The following FAM227A variants were observed in gnomAD, a reference collection of about 807,000 sequenced individuals.
FAM227A encodes the protein family with sequence similarity 227 member A, also known as protein FAM227A.
Under a neutral mutation model 74.7 loss-of-function variants are expected in FAM227A, and 80 were observed. The observed-to-expected ratio is 1.07, with a 90% CI of 0.89 to 1.29. FAM227A has a LOEUF of 1.29. Ranked by LOEUF, FAM227A falls within the 50% of genes most tolerant of loss-of-function variation. FAM227A has a pLI of 0.00. For missense variants in FAM227A, 654 were observed against 683.4 expected (o/e 0.96, Z 0.48); for synonymous variants, 237 against 241.8 (o/e 0.98, Z 0.19).
At chr22:38,594,343 C>G (rs1249498238) in intron 15 of FAM227A, among the ~76,000 whole-genome samples, 1 of 152,180 alleles carries the variant, frequency 6.6e-6, no homozygotes, top group African/African-American at 2.4e-5. Flanking sequence ...TCCTCCCTGA[C>G]TTATGTGGTT....
chr22:38,634,969 G>T (rs1010504791), intron 6 of FAM227A, among the ~76,000 whole-genome samples: 1 of 152,028 alleles, frequency 6.6e-6, no homozygotes, highest in Non-Finnish European at 1.5e-5. Context: ...GGAGGGGGTC[G>T]GGCGCAGTGG....
Position 38,626,286 on chromosome 22 carries a change from G to A in FAM227A, c.744C>T (p.Leu248=). Residue 248 remains leucine (L), a synonymous_variant, in exon 9 of 17, where the codon CTC becomes CTT. Coordinates refer to ENST00000535113, the MANE Select transcript of FAM227A (RefSeq NM_001013647.2). ...AGAAGCTGGTGTACACGGCTTTGCT[G>A]AGAAGTGATGGCAGCCTCTGCGGAG... ...EALLKRLPSL[L]SKAVYTSFCC... is the part of the protein sequence containing the mutation. 2 of 1,551,442 alleles carry A rather than the reference G, an allele frequency of 1.3e-6. No homozygotes were observed. The highest frequency in any genetic ancestry group is 1.4e-5 in the African/African-American group (1 of 73,166).
chr22:38,621,610 A>G (rs1269736239), intron 10 of FAM227A, among the ~76,000 whole-genome samples: 1 of 152,116 alleles, frequency 6.6e-6, no homozygotes, highest in Non-Finnish European at 1.5e-5. Flanking sequence ...AAAAAACCAA[A>G]AAGTGTCTGG....
At chr22:38,608,437 C>T (rs1332333800) in intron 11 of FAM227A, among the ~76,000 whole-genome samples, 1 of 146,592 alleles carries the variant, frequency 6.8e-6, no homozygotes, top group African/African-American at 2.5e-5. Context: ...CTCAGGGATT[C>T]TTTTTTTTTT....
chr22:38,639,757 G>T, intron 3 of FAM227A, 33 bp from the exon 4 acceptor site: 1 of 1,397,002 alleles, frequency 7.2e-7, no homozygotes, highest in South Asian at 1.2e-5. Flanking sequence ...GGGCATTAGG[G>T]ATTAATGCAA....
In FAM227A at chr22:38,586,130, G is replaced by T; in HGVS notation, c.1708C>A (p.Pro570Thr). 1 of 1,551,936 alleles carries T rather than the reference G, an allele frequency of 6.4e-7. No homozygotes were observed. Among genetic ancestry groups the T allele is most frequent in the Middle Eastern group, 1.7e-4 (1 of 5,992 alleles). The change falls in exon 17 of 17, where the codon CCC (proline) becomes ACC (threonine). Residue 570 changes from proline to threonine, a missense_variant. Physicochemically the swap from Pro to Thr is conservative, Grantham distance 38. Coordinates refer to ENST00000535113, the MANE Select transcript of FAM227A (RefSeq NM_001013647.2). ...VEHFFPLTSK[P>T] ...GTTCTAGGTTGTGGAGCTCCTCAGG[G>T]CTTGGAAGTGAGTGGAAAGAAATGT...
intron 6 of FAM227A, among the ~76,000 whole-genome samples, chr22:38,635,207 C>T (rs148547845): frequency 5.4e-4 from 69 of 127,972 alleles, no homozygotes; most frequent in Admixed American, 2.0e-3. Context: ...TCCAGCCTGG[C>T]GACAGAGCGA....
At chr22:38,630,031 G>A (rs1182282168) in intron 6 of FAM227A, among the ~76,000 whole-genome samples, 4 of 138,240 alleles carry the variant, frequency 2.9e-5, no homozygotes, top group Non-Finnish European at 6.1e-5. Context: ...ATCAGGAAGC[G>A]TGCCTCTTCT....
intron 11 of FAM227A, among the ~76,000 whole-genome samples, chr22:38,615,965 C>G (rs2091566562): frequency 6.6e-6 from 1 of 152,032 alleles, no homozygotes; most frequent in Admixed American, 6.6e-5. Flanking sequence ...GGTGGATAGA[C>G]AAGTACGAGT....
At position 38,585,383 on chromosome 22, in the gene FAM227A, T is replaced by A. The variant is rs1367484668; in HGVS notation, c.*742A>T. On this transcript the variant is annotated 3_prime_UTR_variant, in exon 17 of 17. Coordinates refer to ENST00000535113, the MANE Select transcript of FAM227A (RefSeq NM_001013647.2). ...AGCCTGGGAGTCACACAGAAACACA[T>A]TACAGATGTCATGTCCCTGGGCTGA... 1 of 152,048 alleles carries A rather than the reference T, an allele frequency of 6.6e-6. No individual in the cohort carries two copies. The highest frequency in any genetic ancestry group is 1.5e-5 in the Non-Finnish European group (1 of 68,028). 9.4% of individuals were successfully genotyped at this position (152,048 alleles called of 1,614,324 possible). A position where few individuals can be genotyped will look rare whatever the true frequency, so the allele number is the denominator to read the frequency against.
chr22:38,586,238 T>A, intron 16 of FAM227A, 39 bp from the exon 17 acceptor site: 1 of 1,544,684 alleles, frequency 6.5e-7, no homozygotes, highest in Non-Finnish European at 8.8e-7. Flanking sequence ...AAAATTAATT[T>A]AAAAAATGTA....
At chr22:38,591,842 T>C (rs1436969438) in intron 15 of FAM227A, among the ~76,000 whole-genome samples, 3 of 152,220 alleles carry the variant, frequency 2.0e-5, no homozygotes, top group African/African-American at 7.2e-5. Flanking sequence ...CCTGCCCTGA[T>C]GTCTAGTAGC....
At chr22:38,639,867 G>A (rs2092077386) in intron 3 of FAM227A, 143 bp from the exon 4 acceptor site, 1 of 661,130 alleles carries the variant, frequency 1.5e-6, no homozygotes, top group Non-Finnish European at 2.7e-6. Context: ...CTTTCCAGGT[G>A]GTAGGTCCTG....
Position 38,628,821 on chromosome 22 carries a change from G to C in FAM227A, c.621+13C>G. 4 of 1,407,644 alleles carry C rather than the reference G, an allele frequency of 2.8e-6. No individual in the cohort carries two copies. Among genetic ancestry groups the C allele is most frequent in the Non-Finnish European group, 3.9e-6 (4 of 1,022,746 alleles). The allele number at this position is 1,407,644 out of a possible 1,614,324, so 87.2% of individuals were successfully genotyped here. A position where few individuals can be genotyped will look rare whatever the true frequency, so the allele number is the denominator to read the frequency against. ...CTTAAGCAAGGCAGAGAAACAAGCA[G>C]ATTTGTATTTACCTGGTACCTCTCA... On this transcript the variant is annotated intron_variant, in intron 7 of 16. Coordinates refer to ENST00000535113, the MANE Select transcript of FAM227A (RefSeq NM_001013647.2).
At chr22:38,626,880 A>AAAAAAAAAT (rs1569220756) in intron 8 of FAM227A, among the ~76,000 whole-genome samples, 5 of 109,118 alleles carry the variant, frequency 4.6e-5, no homozygotes, top group Non-Finnish European at 9.2e-5. Context: ...AAAAAAAAAA[A>AAAAAAAAAT]AAAAAAAAAA....
At chr22:38,605,375 T>C (rs1239765248) in intron 12 of FAM227A, 27 bp from the exon 13 acceptor site, 5 of 1,387,298 alleles carry the variant, frequency 3.6e-6, no homozygotes, top group Non-Finnish European at 5.0e-6. Flanking sequence ...AGCAAGAAAA[T>C]GACCATTAGG....
rs2146088243 is a variant in FAM227A, at chr22:38,583,071, G to A, written c.*3054C>T. Reference sequence around the variant, plus strand: ...TGCAAATGAAGAGTTGACAGTGGCTGGGGTAGTAAAGGGAAGGTGAGAGAG... The same window carrying A: ...TGCAAATGAAGAGTTGACAGTGGCTAGGGTAGTAAAGGGAAGGTGAGAGAG... On this transcript the variant is annotated 3_prime_UTR_variant, in exon 17 of 17. Coordinates refer to ENST00000535113, the MANE Select transcript of FAM227A (RefSeq NM_001013647.2). 3 of 1,148,938 alleles carry A rather than the reference G, an allele frequency of 2.6e-6. No individual in the cohort carries two copies. Among genetic ancestry groups the A allele is most frequent in the East Asian group, 5.1e-5 (2 of 38,880 alleles). 71.2% of individuals were successfully genotyped at this position (1,148,938 alleles called of 1,614,324 possible). A position where few individuals can be genotyped will look rare whatever the true frequency, so the allele number is the denominator to read the frequency against.
At chr22:38,653,135 T>C (rs995777431) in intron 1 of FAM227A, among the ~76,000 whole-genome samples, 3 of 152,072 alleles carry the variant, frequency 2.0e-5, no homozygotes, top group African/African-American at 7.2e-5. Flanking sequence ...CATTAGATTC[T>C]CATAGGAGTG....
At chr22:38,589,441 A>G (rs1310710115) in intron 16 of FAM227A, among the ~76,000 whole-genome samples, 1 of 152,230 alleles carries the variant, frequency 6.6e-6, no homozygotes, top group Non-Finnish European at 1.5e-5. Flanking sequence ...CAGGTCTGAC[A>G]ATTGACTATC....
Sources: gnomAD v4.1 joint callset for allele counts (sites outside exome capture counted in the v4.1 genomes callset) on GRCh38, gnomAD v4.1.1 for gene constraint, MANE v1.5 for transcripts, NCBI Gene and HGNC (gene_info 2026-07-23, HGNC 2026-07-21) for gene names.